The following PPP2R5C variants were observed in gnomAD, a reference collection of about 807,000 sequenced individuals.
The protein encoded by PPP2R5C is serine/threonine-protein phosphatase 2A 56 kDa regulatory subunit gamma isoform.
PPP2R5C carries 7 observed loss-of-function variants against 68.9 expected under a neutral mutation model. That is an observed-to-expected ratio of 0.10 (90% confidence interval 0.06 to 0.19). PPP2R5C has a LOEUF of 0.19. PPP2R5C is among the 10% of genes least tolerant of loss of function. The pLI is 1.00. For missense variants in PPP2R5C, 348 were observed against 641.3 expected (o/e 0.54, Z 4.94); for synonymous variants, 210 against 222.2 (o/e 0.95, Z 0.49).
In PPP2R5C at chr14:101,906,366, A is replaced by G; in HGVS notation, c.1024-36A>G. 6.4e-7 allele frequency: 1 copy of G among 1,555,510 alleles called. No homozygotes were observed. The highest frequency in any genetic ancestry group is 1.2e-5 in the South Asian group (1 of 81,180). On this transcript the variant is annotated intron_variant, in intron 9 of 13. Transcript: ENST00000334743. This position sits in a 1 kb window ranked among gnomAD's most constrained non-coding sequence, Gnocchi z 4.0. ...AGGACAGCCACCTGATGTCTCAGGC[A>G]CAACCTCCAGCAAGCCATCCACTTG...
In PPP2R5C at chr14:101,912,702, A is replaced by G. The variant is rs963027619; in HGVS notation, c.1326+229A>G. 6.5e-6 allele frequency: 6 copies of G among 926,584 alleles called. No homozygotes were observed. The African/African-American group carries it at 1.0e-4, about 16-fold the overall frequency. The allele number at this position is 926,584 out of a possible 1,614,324, so 57.4% of individuals were successfully genotyped here. ...TTGACTTTTTTCCTCTGCTTTTTAA[A>G]TAAGATCTGAATCTTATGCATATAC... On this transcript the variant is annotated intron_variant, in intron 12 of 13. Coordinates refer to ENST00000334743, the Ensembl canonical transcript of PPP2R5C.
chr14:101,779,147 C>T (rs1278709298), intron 2 of PPP2R5C, among the ~76,000 whole-genome samples: 1 of 152,204 alleles, frequency 6.6e-6, no homozygotes, highest in East Asian at 1.9e-4. Flanking sequence ...ATTGCTGGAA[C>T]ATCAAGTGTG....
At chr14:101,810,802 A>G (rs567358541) in intron 1 of PPP2R5C, among the ~76,000 whole-genome samples, 1 of 152,346 alleles carries the variant, frequency 6.6e-6, no homozygotes, top group East Asian at 1.9e-4. Flanking sequence ...GCCTAAAAGC[A>G]CAACTACTCT....
chr14:101,900,006 C>G (rs2045585634), intron 8 of PPP2R5C, among the ~76,000 whole-genome samples: 1 of 152,070 alleles, frequency 6.6e-6, no homozygotes, highest in Admixed American at 6.5e-5. Context: ...CCCACCTTAG[C>G]CTCTCGAGTA....
intron 2 of PPP2R5C, among the ~76,000 whole-genome samples, chr14:101,859,365 G>A (rs759821400): frequency 6.6e-6 from 1 of 152,248 alleles, no homozygotes; most frequent in Non-Finnish European, 1.5e-5. Flanking sequence ...GGAAGAAGGC[G>A]CAGAGTGGAA....
chr14:101,921,616 T>G (rs907287657), intron 13 of PPP2R5C, among the ~76,000 whole-genome samples: 1 of 152,152 alleles, frequency 6.6e-6, no homozygotes, highest in African/African-American at 2.4e-5. Context: ...AAAATTAAGC[T>G]TTTTTGGTTT....
At chr14:101,896,836 T>G (rs917775353) in intron 8 of PPP2R5C, among the ~76,000 whole-genome samples, 2 of 152,120 alleles carry the variant, frequency 1.3e-5, no homozygotes, top group African/African-American at 4.8e-5. Context: ...TCCTGGGCCC[T>G]TTCTCTCTTT....
chr14:101,891,762 G>A lies in PPP2R5C; in HGVS notation c.690-1238G>A, dbSNP rs964844417. On this transcript the variant is annotated intron_variant, in intron 6 of 13. Transcript: ENST00000334743. The surrounding 1 kb of genome is among the most constrained non-coding windows in gnomAD (Gnocchi z 4.9). Reference sequence around the variant, plus strand: ...CCCTTCCCGCATTGTCCGCTGTGCCGCGCAGAGTCAGTAATGGAAGACCAA... The same window carrying A: ...CCCTTCCCGCATTGTCCGCTGTGCCACGCAGAGTCAGTAATGGAAGACCAA... Among the ~76,000 whole-genome samples, 11 of 152,198 alleles carry A rather than the reference G, an allele frequency of 7.2e-5. No homozygotes were observed. The highest frequency in any genetic ancestry group is 2.1e-4 in the South Asian group (1 of 4,828).
chr14:101,800,034 G>A (rs1044024327), intron 3 of PPP2R5C, among the ~76,000 whole-genome samples: 2 of 152,220 alleles, frequency 1.3e-5, no homozygotes, highest in Admixed American at 6.5e-5. Context: ...CAAGACGGGT[G>A]GATCCCTTGA....
intron 2 of PPP2R5C, among the ~76,000 whole-genome samples, chr14:101,773,238 G>A (rs150457812): frequency 2.0e-4 from 30 of 152,216 alleles, no homozygotes; most frequent in African/African-American, 6.5e-4. Flanking sequence ...GTGACATTGG[G>A]CGTGAGAGCG....
chr14:101,924,617 A>AT (rs1431288740), intron 13 of PPP2R5C, among the ~76,000 whole-genome samples: 4 of 151,098 alleles, frequency 2.6e-5, no homozygotes, highest in Admixed American at 2.0e-4. Context: ...TGATTTTTGT[A>AT]TTTTTAGTAG....
chr14:101,790,171 C>A (rs1331856527), intron 3 of PPP2R5C, among the ~76,000 whole-genome samples: 1 of 152,086 alleles, frequency 6.6e-6, no homozygotes, highest in Non-Finnish European at 1.5e-5. Flanking sequence ...GAATTTAAAG[C>A]CACGTATTCA....
intron 3 of PPP2R5C, among the ~76,000 whole-genome samples, chr14:101,787,222 C>T (rs565552342): frequency 1.3e-5 from 2 of 152,272 alleles, no homozygotes; most frequent in Middle Eastern, 3.4e-3. Flanking sequence ...TGCACTTCAG[C>T]GTGGATGACA....
intron 11 of PPP2R5C, 59 bp downstream of exon 13, chr14:101,909,749 A>G: frequency 7.9e-7 from 1 of 1,258,702 alleles, no homozygotes; most frequent in South Asian, 1.4e-5. Flanking sequence ...TCCTAAGTAA[A>G]CCTCTTCCAC....
intron 2 of PPP2R5C, among the ~76,000 whole-genome samples, chr14:101,780,713 T>C (rs972136072): frequency 6.6e-6 from 1 of 152,230 alleles, no homozygotes; most frequent in Non-Finnish European, 1.5e-5. Context: ...GGCTGGACTT[T>C]CCGGCATTAA....
At chr14:101,789,802 A>G (rs952622259) in intron 3 of PPP2R5C, 2 of 152,020 alleles carry the variant, frequency 1.3e-5, no homozygotes, top group East Asian at 1.9e-4. Context: ...TTCAGAAACA[A>G]TAAAATGTGG....
At chr14:101,787,701 A>G (rs1446387751) in intron 3 of PPP2R5C, among the ~76,000 whole-genome samples, 1 of 146,154 alleles carries the variant, frequency 6.8e-6, no homozygotes, top group Non-Finnish European at 1.5e-5. Context: ...CGGGAGGCAG[A>G]GCTTGCAGTG....
rs538483029 is a variant in PPP2R5C, at chr14:101,850,327, G to T, written c.95-6359G>T. On this transcript the variant is annotated intron_variant, in intron 1 of 13. Transcript: ENST00000334743. ...GTGATACTCAAAAACCATTTTTTCT[G>T]TATTGCAACAGCAGTTAGAAAATTA... 7.2e-5 allele frequency among the ~76,000 whole-genome samples: 11 copies of T among 152,274 alleles called. No homozygotes were observed. The South Asian group carries it at 2.1e-3, about 29-fold the overall frequency.
intron 1 of PPP2R5C, chr14:101,818,672 C>T: frequency 4.9e-6 from 1 of 202,876 alleles, no homozygotes; most frequent in Non-Finnish European, 1.0e-5. Flanking sequence ...TGTGGTTAAT[C>T]TCAAATAGGG....
Sources: gnomAD v4.1 joint callset for allele counts (sites outside exome capture counted in the v4.1 genomes callset) on GRCh38, gnomAD v4.1.1 for gene constraint, Gnocchi (gnomAD v3.1) non-coding constraint, MANE v1.5 for transcripts, NCBI Gene and HGNC (gene_info 2026-07-23, HGNC 2026-07-21) for gene names.